Variants in ZFP36 observed in about 807,000 individuals in gnomAD.
ZFP36 encodes the protein mRNA decay activator protein ZFP36.
ZFP36 carries 13 observed loss-of-function variants against 19.8 expected under a neutral mutation model. That is an observed-to-expected ratio of 0.66 (90% CI 0.43 to 1.04). The LOEUF is 1.04. Among genes scored for constraint, ZFP36 ranks in the 50% least tolerant of loss-of-function variants. The probability of loss-of-function intolerance (pLI) is 0.00; values close to 1 mark genes in which losing one functional copy is unlikely to be tolerated. For synonymous variants in ZFP36, 191 were observed against 194.5 expected (o/e 0.98, Z 0.15); for missense variants, 354 against 441.6 (o/e 0.80, Z 1.78).
At position 39,407,045 on chromosome 19, in the gene ZFP36, C is replaced by T; in HGVS notation, c.24+117C>T. 3 of 1,313,784 alleles carry T rather than the reference C, an allele frequency of 2.3e-6. No homozygotes were observed. The African/African-American group carries it at 4.6e-5, about 20-fold the overall frequency. 81.4% of individuals were successfully genotyped at this position (1,313,784 alleles called of 1,614,324 possible). On this transcript the variant is annotated intron_variant, in intron 1 of 1. Transcript: ENST00000597629. This position sits in a 1 kb window ranked among gnomAD's most constrained non-coding sequence, Gnocchi z 7.6. ...TGCCTCCCTTCTCCAACTGGGGCTC[C>T]CTAGCGCCGCGCCCTCCAGCCTGGG... is the stretch of plus-strand genomic sequence containing the variant.
Position 39,408,579 on chromosome 19 carries a change from C to T in ZFP36, c.861C>T (p.Ser287=), listed in dbSNP as rs768167074. Residue 287 remains serine (S), a synonymous_variant, in exon 2 of 2, where the codon AGC becomes AGT. Transcript: ENST00000597629. The surrounding 1 kb of genome is among the most constrained non-coding windows in gnomAD (Gnocchi z 6.0). ...CCGACCCTGATGAATATGCCAGCAG[C>T]GGCAGCAGCCTGGGGGGCTCTGACT... The part of the protein sequence containing the change: ...LGSDPDEYAS[S]GSSLGGSDSP... 5.6e-6 allele frequency: 9 copies of T among 1,613,330 alleles called. No homozygotes were observed. In the Admixed American group the frequency reaches 1.0e-4, roughly 18 times the overall value.
chr19:39,408,125 C>T lies in ZFP36; in HGVS notation c.407C>T (p.Ala136Val). ...FAHGLGELRQ[A>V]NRHPKYKTEL... The stretch of plus-strand genomic sequence containing the variant: ...CATGGCCTGGGCGAGCTGCGCCAGG[C>T]CAATCGCCACCCCAAATACAAGACG... Residue 136 changes from alanine to valine, a missense_variant, in exon 2 of 2, where the codon GCC becomes GTC. Coordinates refer to ENST00000597629, the MANE Select transcript of ZFP36 (RefSeq NM_003407.5). This position sits in a 1 kb window ranked among gnomAD's most constrained non-coding sequence, Gnocchi z 6.0. 1.2e-6 allele frequency: 2 copies of T among 1,613,940 alleles called. No homozygotes were observed. The highest frequency in any genetic ancestry group is 1.7e-6 in the Non-Finnish European group (2 of 1,180,012).
chr19:39,408,156 CTG>C lies in ZFP36; in HGVS notation c.440_441del (p.Cys147SerfsTer22). 1 of 1,613,966 alleles carries C rather than the reference CTG, an allele frequency of 6.2e-7. No individual in the cohort carries two copies. On this transcript the variant is annotated frameshift_variant, in exon 2 of 2. Coordinates refer to ENST00000597629, the MANE Select transcript of ZFP36 (RefSeq NM_003407.5). LOFTEE classifies it high-confidence loss of function. This position sits in a 1 kb window ranked among gnomAD's most constrained non-coding sequence, Gnocchi z 6.0. ...NRHPKYKTEL[C>X]HKFYLQGRCP... ...GCCACCCCAAATACAAGACGGAACT[CTG>C]TCACAAGTTCTACCTCCAGGGCCGC...
rs754745061 is a variant in ZFP36, at chr19:39,408,742, G to A, written c.*43G>A. 3 of 1,516,440 alleles carry A rather than the reference G, an allele frequency of 2.0e-6. No homozygotes were observed. Among genetic ancestry groups the A allele is most frequent in the Admixed American group, 2.1e-5 (1 of 47,484 alleles). 93.9% of individuals were successfully genotyped at this position (1,516,440 alleles called of 1,614,324 possible). The stretch of plus-strand genomic sequence containing the variant: ...CAGATCAGCTGGATCTCAGCGGGGA[G>A]CCACGTCTCTTGCACTGTGGTCTCT... On this transcript the variant is annotated 3_prime_UTR_variant, in exon 2 of 2. Transcript: ENST00000597629. The surrounding 1 kb of genome is among the most constrained non-coding windows in gnomAD (Gnocchi z 6.0).
chr19:39,408,771 T>C lies in ZFP36; in HGVS notation c.*72T>C, dbSNP rs980851601. On this transcript the variant is annotated 3_prime_UTR_variant, in exon 2 of 2. Transcript: ENST00000597629. The surrounding 1 kb of genome is among the most constrained non-coding windows in gnomAD (Gnocchi z 6.0). ...CGTCTCTTGCACTGTGGTCTCTGCA[T>C]GGACCCCAGGGCTGTGGGGACTTGG... is the stretch of plus-strand genomic sequence containing the variant. 43 of 1,418,192 alleles carry C rather than the reference T, an allele frequency of 3.0e-5. No individual in the cohort carries two copies. The African/African-American group carries it at 5.4e-4, about 18-fold the overall frequency. The allele number at this position is 1,418,192 out of a possible 1,614,324, so 87.9% of individuals were successfully genotyped here. A position where few individuals can be genotyped will look rare whatever the true frequency, so the allele number is the denominator to read the frequency against.
chr19:39,408,653 C>G lies in ZFP36; in HGVS notation c.935C>G (p.Ala312Gly). The G allele has an allele frequency of 6.3e-7, 1 of 1,580,334 alleles. No homozygotes were observed. Among genetic ancestry groups the G allele is most frequent in the Non-Finnish European group, 8.6e-7 (1 of 1,166,390 alleles). The change falls in exon 2 of 2, where the codon GCC becomes GGC. Residue 312 changes from alanine (A) to glycine (G), a missense_variant. By Grantham distance (60) the Ala-to-Gly change is moderately conservative. Coordinates refer to ENST00000597629, the MANE Select transcript of ZFP36 (RefSeq NM_003407.5). This position sits in a 1 kb window ranked among gnomAD's most constrained non-coding sequence, Gnocchi z 6.0. ...TTTGCACCACCCCAGCCCGTGGCAG[C>G]CCCCCGGCGACTCCCCATCTTCAAT... is the stretch of plus-strand genomic sequence containing the variant. ...GVFAPPQPVA[A>G]PRRLPIFNRI... is the part of the protein sequence containing the mutation.
At position 39,407,862 on chromosome 19, in the gene ZFP36, T is replaced by C; in HGVS notation, c.144T>C (p.Ser48=). The C allele has an allele frequency of 6.2e-7, 1 of 1,605,378 alleles. No homozygotes were observed. Among genetic ancestry groups the C allele is most frequent in the Non-Finnish European group, 8.5e-7 (1 of 1,179,244 alleles). The change falls in exon 2 of 2, where the codon TCT becomes TCC. Residue 48 remains serine (S), a synonymous_variant. Coordinates refer to ENST00000597629, the MANE Select transcript of ZFP36 (RefSeq NM_003407.5). The surrounding 1 kb of genome is among the most constrained non-coding windows in gnomAD (Gnocchi z 7.6). ...WSLSPSDSSP[S]GVTSRLPGRS... ...TGAGCCCCTCCGACTCCAGCCCGTC[T>C]GGGGTCACCTCCCGCCTGCCTGGCC...
chr19:39,408,115 C>T lies in ZFP36; in HGVS notation c.397C>T (p.Leu133=). Residue 133 remains leucine (L), a synonymous_variant, in exon 2 of 2, where the codon CTG becomes TTG. Coordinates refer to ENST00000597629, the MANE Select transcript of ZFP36 (RefSeq NM_003407.5). The surrounding 1 kb of genome is among the most constrained non-coding windows in gnomAD (Gnocchi z 6.0). ...KCQFAHGLGE[L]RQANRHPKYK... is the part of the protein sequence containing the mutation. The stretch of plus-strand genomic sequence containing the variant: ...CCAGTTTGCCCATGGCCTGGGCGAG[C>T]TGCGCCAGGCCAATCGCCACCCCAA... 6.2e-7 allele frequency: 1 copy of T among 1,613,942 alleles called. No homozygotes were observed. The highest frequency in any genetic ancestry group is 8.5e-7 in the Non-Finnish European group (1 of 1,180,026).
rs1337874202 is a variant in ZFP36 at position 39,407,143 on chromosome 19, C to T, written c.24+215C>T. The T allele has an allele frequency of 3.5e-6, 2 of 564,406 alleles. No homozygotes were observed. Among genetic ancestry groups the T allele is most frequent in the Non-Finnish European group, 6.1e-6 (2 of 326,126 alleles). 35.0% of individuals were successfully genotyped at this position (564,406 alleles called of 1,614,324 possible). A position where few individuals can be genotyped will look rare whatever the true frequency, so the allele number is the denominator to read the frequency against. ...GGAACCCGCGACACCCGGCTCTTCGCTCAAACATGGGTGGGGCGGCCCATG... is the reference window on the plus strand; with the variant it reads ...GGAACCCGCGACACCCGGCTCTTCGTTCAAACATGGGTGGGGCGGCCCATG... On this transcript the variant is annotated intron_variant, in intron 1 of 1. Transcript: ENST00000597629. The surrounding 1 kb of genome is among the most constrained non-coding windows in gnomAD (Gnocchi z 7.6).
Position 39,408,432 on chromosome 19 carries a change from C to T in ZFP36, c.714C>T (p.Thr238=), listed in dbSNP as rs759434188. 7 of 1,612,888 alleles carry T rather than the reference C, an allele frequency of 4.3e-6. No homozygotes were observed. Among genetic ancestry groups the T allele is most frequent in the Admixed American group, 3.3e-5 (2 of 59,904 alleles). The stretch of plus-strand genomic sequence containing the variant: ...CTGCCTTCTCTGCTGCCCCTGGCAC[C>T]CCCCTGGCTCGAAGAGACCCCACCC... ...SPSAFSAAPG[T]PLARRDPTPV... is the part of the protein sequence containing the mutation. Residue 238 remains threonine (T), a synonymous_variant, in exon 2 of 2, where the codon ACC becomes ACT. Coordinates refer to ENST00000597629, the MANE Select transcript of ZFP36 (RefSeq NM_003407.5). The surrounding 1 kb of genome is among the most constrained non-coding windows in gnomAD (Gnocchi z 6.0).
Position 39,407,460 on chromosome 19 carries a change from G to C in ZFP36, c.25-283G>C. Reference sequence around the variant, plus strand: ...TGGGTCATATCCGGGGAGGACAAGAGACCCAAAATTGGGAAACAGTGGTGC... The same window carrying C: ...TGGGTCATATCCGGGGAGGACAAGACACCCAAAATTGGGAAACAGTGGTGC... On this transcript the variant is annotated intron_variant, in intron 1 of 1. Coordinates refer to ENST00000597629, the MANE Select transcript of ZFP36 (RefSeq NM_003407.5). This position sits in a 1 kb window ranked among gnomAD's most constrained non-coding sequence, Gnocchi z 7.6. The C allele has an allele frequency of 2.3e-6, 1 of 428,388 alleles. No homozygotes were observed. The highest frequency in any genetic ancestry group is 4.1e-6 in the Non-Finnish European group (1 of 241,982). The allele number at this position is 428,388 out of a possible 1,614,324, so 26.5% of individuals were successfully genotyped here. A position where few individuals can be genotyped will look rare whatever the true frequency, so the allele number is the denominator to read the frequency against.
rs1600633520 is a variant in ZFP36 at position 39,407,013 on chromosome 19, G to A, written c.24+85G>A. On this transcript the variant is annotated intron_variant, in intron 1 of 1. Transcript: ENST00000597629. This position sits in a 1 kb window ranked among gnomAD's most constrained non-coding sequence, Gnocchi z 7.6. ...CTCTAGCGCCGCAAACTCCAGCCCG[G>A]GACGCTTGCCTCCCTTCTCCAACTG... 6.5e-7 allele frequency: 1 copy of A among 1,533,416 alleles called. No homozygotes were observed. The allele number at this position is 1,533,416 out of a possible 1,614,324, so 95.0% of individuals were successfully genotyped here.
At position 39,408,345 on chromosome 19, in the gene ZFP36, C is replaced by T; in HGVS notation, c.627C>T (p.Ser209=). The part of the protein sequence containing the change: ...PPPGLAGPSL[S]SSSFSPSSSP... ...CAGGCCTGGCCGGCCCTTCCCTGTC[C>T]TCCAGCTCCTTCTCGCCCTCCAGCT... Residue 209 remains serine, a synonymous_variant, in exon 2 of 2, where the codon TCC becomes TCT. Coordinates refer to ENST00000597629, the MANE Select transcript of ZFP36 (RefSeq NM_003407.5). The surrounding 1 kb of genome is among the most constrained non-coding windows in gnomAD (Gnocchi z 6.0). The T allele has an allele frequency of 2.5e-6, 4 of 1,613,724 alleles. No individual in the cohort carries two copies.
chr19:39,407,539 G>C lies in ZFP36; in HGVS notation c.25-204G>C, dbSNP rs1023823925. The C allele has an allele frequency of 5.9e-6, 3 of 507,490 alleles. No homozygotes were observed. Among genetic ancestry groups the C allele is most frequent in the African/African-American group, 5.9e-5 (3 of 51,114 alleles). The allele number at this position is 507,490 out of a possible 1,614,324, so 31.4% of individuals were successfully genotyped here. A position where few individuals can be genotyped will look rare whatever the true frequency, so the allele number is the denominator to read the frequency against. On this transcript the variant is annotated intron_variant, in intron 1 of 1. Coordinates refer to ENST00000597629, the MANE Select transcript of ZFP36 (RefSeq NM_003407.5). This position sits in a 1 kb window ranked among gnomAD's most constrained non-coding sequence, Gnocchi z 7.6. Reference sequence around the variant, plus strand: ...CCAGCCGGGGAAGCCGGGATTCCTGGGTCCCTCGGGATAAGGCCTCGGTGG... The same window carrying C: ...CCAGCCGGGGAAGCCGGGATTCCTGCGTCCCTCGGGATAAGGCCTCGGTGG...
Position 39,407,042 on chromosome 19 carries a change from C to A in ZFP36, c.24+114C>A. ...GCTTGCCTCCCTTCTCCAACTGGGG[C>A]TCCCTAGCGCCGCGCCCTCCAGCCT... On this transcript the variant is annotated intron_variant, in intron 1 of 1. Coordinates refer to ENST00000597629, the MANE Select transcript of ZFP36 (RefSeq NM_003407.5). This position sits in a 1 kb window ranked among gnomAD's most constrained non-coding sequence, Gnocchi z 7.6. 1 of 1,342,060 alleles carries A rather than the reference C, an allele frequency of 7.5e-7. No individual in the cohort carries two copies. Among genetic ancestry groups the A allele is most frequent in the Non-Finnish European group, 1.0e-6 (1 of 989,828 alleles). The allele number at this position is 1,342,060 out of a possible 1,614,324, so 83.1% of individuals were successfully genotyped here. A position where few individuals can be genotyped will look rare whatever the true frequency, so the allele number is the denominator to read the frequency against.
Position 39,407,864 on chromosome 19 carries a change from G to A in ZFP36, c.146G>A (p.Gly49Glu). Reference protein sequence around the residue: ...SLSPSDSSPSGVTSRLPGRST... With the variant: ...SLSPSDSSPSEVTSRLPGRST... ...AGCCCCTCCGACTCCAGCCCGTCTGGGGTCACCTCCCGCCTGCCTGGCCGC... is the reference window on the plus strand; with the variant it reads ...AGCCCCTCCGACTCCAGCCCGTCTGAGGTCACCTCCCGCCTGCCTGGCCGC... The change falls in exon 2 of 2, where the codon GGG becomes GAG. Residue 49 changes from glycine (G) to glutamate (E), a missense_variant. By Grantham distance (98) the Gly-to-Glu change is moderately conservative. Transcript: ENST00000597629. The surrounding 1 kb of genome is among the most constrained non-coding windows in gnomAD (Gnocchi z 7.6). The A allele has an allele frequency of 6.2e-7, 1 of 1,605,428 alleles. No homozygotes were observed. Among genetic ancestry groups the A allele is most frequent in the Non-Finnish European group, 8.5e-7 (1 of 1,179,302 alleles).
rs779186860 is a variant in ZFP36 at position 39,406,883 on chromosome 19, C to T, written c.-22C>T. On this transcript the variant is annotated 5_prime_UTR_variant, in exon 1 of 2. Coordinates refer to ENST00000597629, the MANE Select transcript of ZFP36 (RefSeq NM_003407.5). ...AGCGCTCCCACTCTCGGCCGACACCCCTCATGGCCAACCGTTACACCATGG... is the reference window on the plus strand; with the variant it reads ...AGCGCTCCCACTCTCGGCCGACACCTCTCATGGCCAACCGTTACACCATGG... 1.2e-4 allele frequency: 186 copies of T among 1,607,826 alleles called. No individual in the cohort carries two copies. Among genetic ancestry groups the T allele is most frequent in the South Asian group, 1.6e-4 (14 of 90,316 alleles).
At position 39,408,887 on chromosome 19, in the gene ZFP36, A is replaced by G. The variant is rs916354453; in HGVS notation, c.*188A>G. On this transcript the variant is annotated 3_prime_UTR_variant, in exon 2 of 2. Transcript: ENST00000597629. The surrounding 1 kb of genome is among the most constrained non-coding windows in gnomAD (Gnocchi z 6.0). ...GGCAGGTCCCCAAGTGTGCAAGCTC[A>G]GTATTCATGATGGTGGGGGATGGAG... The G allele has an allele frequency of 2.0e-6, 1 of 505,464 alleles. No individual in the cohort carries two copies. Among genetic ancestry groups the G allele is most frequent in the Non-Finnish European group, 3.4e-6 (1 of 297,074 alleles). 31.3% of individuals were successfully genotyped at this position (505,464 alleles called of 1,614,324 possible).
In ZFP36 at chr19:39,408,959, G is replaced by A. The variant is rs1437591836; in HGVS notation, c.*260G>A. 2.7e-6 allele frequency: 1 copy of A among 371,502 alleles called. No individual in the cohort carries two copies. The highest frequency in any genetic ancestry group is 2.1e-5 in the African/African-American group (1 of 47,950). 23.0% of individuals were successfully genotyped at this position (371,502 alleles called of 1,614,324 possible). A position where few individuals can be genotyped will look rare whatever the true frequency, so the allele number is the denominator to read the frequency against. The stretch of plus-strand genomic sequence containing the variant: ...GAAAAAAAATTGTAGCATATTTAAG[G>A]GAGGCAATGAACCCTCTCCCCCACC... On this transcript the variant is annotated 3_prime_UTR_variant, in exon 2 of 2. Coordinates refer to ENST00000597629, the MANE Select transcript of ZFP36 (RefSeq NM_003407.5). The surrounding 1 kb of genome is among the most constrained non-coding windows in gnomAD (Gnocchi z 6.0).
Sources: gnomAD v4.1 joint callset for allele counts on GRCh38, gnomAD v4.1.1 for gene constraint, Gnocchi (gnomAD v3.1) non-coding constraint, MANE v1.5 for transcripts, NCBI Gene and HGNC (gene_info 2026-07-23, HGNC 2026-07-21) for gene names.